The following COL9A3 variants were observed in gnomAD, a reference collection of about 807,000 sequenced individuals.
COL9A3 encodes the protein collagen type IX alpha 3 chain.
Under a neutral mutation model 110.2 loss-of-function variants are expected in COL9A3, and 82 were observed. That is an observed-to-expected ratio of 0.74 (90% CI 0.62 to 0.89). The LOEUF is 0.89. COL9A3 is among the 40% of genes least tolerant of loss of function. The pLI is 0.00. For missense variants in COL9A3, 1,066 were observed against 981.3 expected (o/e 1.09, Z -1.15); for synonymous variants, 494 against 403.8 (o/e 1.22, Z -2.68).
At chr20:62,818,618 A>T in intron 3 of COL9A3, 65 bp downstream of exon 3, 1 of 1,503,652 alleles carries the variant, frequency 6.7e-7, no homozygotes, top group Non-Finnish European at 9.2e-7. Context: ...AACTCAGAAC[A>T]GAGGGGTCAT....
intron 24 of COL9A3, 70 bp from the exon 25 acceptor site, chr20:62,832,083 TG>T: frequency 1.4e-6 from 2 of 1,473,492 alleles, no homozygotes; most frequent in Non-Finnish European, 1.9e-6. Context: ...TTACCATTCC[TG>T]GGCCCAGGGC....
Position 62,837,283 on chromosome 20 carries a change from T to G in COL9A3, c.1786+18T>G, listed in dbSNP as rs2063644594. The G allele has an allele frequency of 6.2e-7, 1 of 1,606,144 alleles. No individual in the cohort carries two copies. The highest frequency in any genetic ancestry group is 1.7e-5 in the Admixed American group (1 of 59,840). On this transcript the variant is annotated intron_variant, in intron 30 of 31. Transcript: ENST00000649368. The stretch of plus-strand genomic sequence containing the variant: ...GCCCAGAGGTGAGTGTTTGACCCCA[T>G]GACACGGTCACCCTGCTGTAAAAAT...
At chr20:62,832,324 G>C (rs1010712164) in intron 25 of COL9A3, 135 bp downstream of exon 25, 91 of 895,306 alleles carry the variant, frequency 1.0e-4, no homozygotes, top group Non-Finnish European at 1.4e-4. Context: ...TGCCGTGTCT[G>C]TCAGTCGCCC....
intron 30 of COL9A3, among the ~76,000 whole-genome samples, chr20:62,838,346 T>C (rs1370049608): frequency 6.6e-6 from 1 of 152,210 alleles, no homozygotes; most frequent in Non-Finnish European, 1.5e-5. Context: ...GGCTGGGTCT[T>C]GTGGGCGGTT....
chr20:62,836,355 TC>T (rs778753626), intron 28 of COL9A3, 22 bp downstream of exon 28: 5 of 1,613,766 alleles, frequency 3.1e-6, no homozygotes, highest in Non-Finnish European at 3.4e-6. Flanking sequence ...TTCCGGCTTT[TC>T]CAGCTTTCAC....
At chr20:62,821,144 G>A (rs756957827) in intron 5 of COL9A3, 37 bp from the exon 6 acceptor site, 1 of 1,609,698 alleles carries the variant, frequency 6.2e-7, no homozygotes, top group South Asian at 1.1e-5. Flanking sequence ...GCAAATAGAG[G>A]CCCAGCCCAA....
In COL9A3 at chr20:62,830,423, G is replaced by A. The variant is rs757042186; in HGVS notation, c.1215+10G>A. ...TGTCCGAGGCTTCCAGGTGGGTGAG[G>A]TTGGGGCAAGGGCCTGGCATGGGGG... is the stretch of plus-strand genomic sequence containing the variant. On this transcript the variant is annotated intron_variant, in intron 23 of 31. Transcript: ENST00000649368. 1.9e-6 allele frequency: 3 copies of A among 1,566,698 alleles called. No individual in the cohort carries two copies. The highest frequency in any genetic ancestry group is 3.8e-5 in the Admixed American group (2 of 53,026).
chr20:62,840,806 C>G lies in COL9A3; in HGVS notation c.*74C>G. The G allele has an allele frequency of 6.6e-7, 1 of 1,521,702 alleles. No individual in the cohort carries two copies. The highest frequency in any genetic ancestry group is 8.9e-7 in the Non-Finnish European group (1 of 1,121,014). 94.3% of individuals were successfully genotyped at this position (1,521,702 alleles called of 1,614,324 possible). ...CGGTCATGAAGGAGCGGGGGTGTGG[C>G]AGGCGGGTGACGTCCAGGAGAGGGA... On this transcript the variant is annotated 3_prime_UTR_variant, in exon 32 of 32. Transcript: ENST00000649368.
rs569973034 is a variant in COL9A3, at chr20:62,819,942, G to A, written c.269G>A (p.Arg90Gln). The A allele has an allele frequency of 6.8e-6, 11 of 1,612,910 alleles. No individual in the cohort carries two copies. The highest frequency in any genetic ancestry group is 5.5e-5 in the South Asian group (5 of 91,084). ...GCCTCTCCCCAGGGTCTGACTGGAC[G>A]AGATGGACCCCCTGGACCCAAGGGT... The part of the protein sequence containing the change: ...GLPGVDGLTG[R>Q]DGPPGPKGAP... The change falls in exon 5 of 32, where the codon CGA (arginine) becomes CAA (glutamine). Residue 90 changes from arginine to glutamine, a missense_variant. Coordinates refer to ENST00000649368, the MANE Select transcript of COL9A3 (RefSeq NM_001853.4).
intron 26 of COL9A3, among the ~76,000 whole-genome samples, chr20:62,833,760 C>T (rs1433736214): frequency 6.6e-6 from 1 of 151,966 alleles, no homozygotes; most frequent in Non-Finnish European, 1.5e-5. Flanking sequence ...CACAGTGGCG[C>T]GATCTCGGTT....
chr20:62,835,217 T>C (rs2063626010), intron 26 of COL9A3, among the ~76,000 whole-genome samples: 1 of 152,186 alleles, frequency 6.6e-6, no homozygotes, highest in Non-Finnish European at 1.5e-5. Context: ...CACCGCAGCT[T>C]GGGTAGTTTA....
Position 62,833,055 on chromosome 20 carries a change from A to T in COL9A3, c.1359A>T (p.Lys453Asn). The change falls in exon 26 of 32, where the codon AAA becomes AAT. Residue 453 changes from lysine (K) to asparagine (N), a missense_variant. Coordinates refer to ENST00000649368, the MANE Select transcript of COL9A3 (RefSeq NM_001853.4). ...GTTCCGACGGTCTTCCTGGGGATAA[A>T]GGAGAACTGGTGAGTAATTAGGTAA... is the stretch of plus-strand genomic sequence containing the variant. ...IAGSDGLPGD[K>N]GELGPSGLVG... The T allele has an allele frequency of 6.2e-7, 1 of 1,613,598 alleles. No homozygotes were observed. The highest frequency in any genetic ancestry group is 8.5e-7 in the Non-Finnish European group (1 of 1,179,576).
At chr20:62,833,123 C>A in intron 26 of COL9A3, 59 bp downstream of exon 26, 2 of 1,399,748 alleles carry the variant, frequency 1.4e-6, no homozygotes, top group African/African-American at 1.4e-5. Flanking sequence ...GCCACTGTGG[C>A]TGGGGAACAG....
Position 62,829,772 on chromosome 20 carries a change from G to A in COL9A3, c.1114G>A (p.Ala372Thr). The part of the protein sequence containing the change: ...PSGEPGVPGD[A>T]GMPGERGEAG... ...CTCCTTCCTTTCCCTGTAGGGAGAT[G>A]CTGGCATGCCTGGGGAGCGCGGTGA... The change falls in exon 22 of 32, where the codon GCT becomes ACT. Residue 372 changes from alanine (A) to threonine (T), a missense_variant. Ala to Thr is a moderately conservative substitution (Grantham distance 58). Transcript: ENST00000649368. 1 of 1,591,344 alleles carries A rather than the reference G, an allele frequency of 6.3e-7. No homozygotes were observed. The highest frequency in any genetic ancestry group is 8.6e-7 in the Non-Finnish European group (1 of 1,169,342).
chr20:62,833,552 C>T (rs545668183), intron 26 of COL9A3, among the ~76,000 whole-genome samples: 213 of 151,848 alleles, frequency 1.4e-3, no homozygotes, highest in African/African-American at 4.8e-3. Context: ...TACAGGCGCC[C>T]GCCACCATGC....
Position 62,833,026 on chromosome 20 carries a change from G to A in COL9A3, c.1330G>A (p.Ala444Thr). Residue 444 changes from alanine to threonine, a missense_variant, in exon 26 of 32, where the codon GCA (alanine) becomes ACA (threonine). Coordinates refer to ENST00000649368, the MANE Select transcript of COL9A3 (RefSeq NM_001853.4). ...AAGPKGDQGI[A>T]GSDGLPGDKG... is the part of the protein sequence containing the mutation. ...TGGGGTGTATCGTTTTCAGGGTATT[G>A]CAGGTTCCGACGGTCTTCCTGGGGA... 1 of 1,613,800 alleles carries A rather than the reference G, an allele frequency of 6.2e-7. No homozygotes were observed. Among genetic ancestry groups the A allele is most frequent in the Non-Finnish European group, 8.5e-7 (1 of 1,179,752 alleles).
chr20:62,827,247 C>T lies in COL9A3; in HGVS notation c.799C>T (p.Arg267Ter), dbSNP rs1423359801. 5.0e-6 allele frequency: 8 copies of T among 1,613,138 alleles called. No individual in the cohort carries two copies. The highest frequency in any genetic ancestry group is 2.2e-5 in the East Asian group (1 of 44,890). The change falls in exon 16 of 32, where the codon CGA becomes TGA. Residue 267 changes from arginine to a stop codon, truncating the protein, a stop_gained. Transcript: ENST00000649368. LOFTEE classifies it high-confidence loss of function. Reference protein sequence around the residue: ...IPGAPGKAGDRGERGPEGFRG... With the variant: ...IPGAPGKAGD ...CCCACCTCATCCTTTCCAGGGTGAC[C>T]GAGGCGAGAGGGGCCCAGAAGGGTT...
chr20:62,830,846 T>G (rs1166530767), intron 24 of COL9A3, among the ~76,000 whole-genome samples: 11 of 123,604 alleles, frequency 8.9e-5, no homozygotes, highest in Non-Finnish European at 1.5e-4. Context: ...CAGCTCCCAG[T>G]GGGAAATCTG....
chr20:62,817,568 G>C lies in COL9A3; in HGVS notation c.80G>C (p.Arg27Thr), dbSNP rs1278000283. 3.9e-6 allele frequency: 6 copies of C among 1,543,366 alleles called. No individual in the cohort carries two copies. In the African/African-American group the frequency reaches 5.5e-5, roughly 14 times the overall value. Reference sequence around the variant, plus strand: ...CTTAATGAGTTTTCTCCGTTTCAGAGAGTGGGACTCCCCGGCCCCCCCGGC... The same window carrying C: ...CTTAATGAGTTTTCTCCGTTTCAGACAGTGGGACTCCCCGGCCCCCCCGGC... ...GELLAAAGAQ[R>T]VGLPGPPGPP... Residue 27 changes from arginine to threonine, a missense_variant and splice_region_variant, in exon 2 of 32, where the codon AGA becomes ACA. Arg to Thr is a moderately conservative substitution (Grantham distance 71, BLOSUM62 -1). Coordinates refer to ENST00000649368, the MANE Select transcript of COL9A3 (RefSeq NM_001853.4).
Sources: gnomAD v4.1 joint callset for allele counts (sites outside exome capture counted in the v4.1 genomes callset) on GRCh38, gnomAD v4.1.1 for gene constraint, MANE v1.5 for transcripts, NCBI Gene and HGNC (gene_info 2026-07-23, HGNC 2026-07-21) for gene names.